SDK2: variants seen among roughly 807,000 people sequenced by gnomAD.
SDK2 encodes protein sidekick-2.
SDK2 carries 105 observed loss-of-function variants against 253.9 expected under a neutral mutation model. The observed-to-expected ratio is 0.41, with a 90% confidence interval of 0.35 to 0.49. The LOEUF (loss-of-function observed/expected upper bound fraction) is 0.49, where lower values mean the gene tolerates loss of function less well. Among genes scored for constraint, SDK2 ranks in the 20% least tolerant of loss-of-function variants. SDK2 has a pLI of 0.06. For synonymous variants in SDK2, 1,249 were observed against 1,234.9 expected, an observed-to-expected ratio of 1.01 and a Z score of -0.24; for missense variants, 2,608 against 3,003.0, an observed-to-expected ratio of 0.87 and a Z score of 3.07.
chr17:73,507,552 A>T lies in SDK2; in HGVS notation c.110T>A (p.Val37Glu), dbSNP rs1484048173. 1.9e-6 allele frequency: 3 copies of T among 1,551,650 alleles called. No individual in the cohort carries two copies. Among genetic ancestry groups the T allele is most frequent in the Non-Finnish European group, 2.6e-6 (3 of 1,146,966 alleles). Residue 37 changes from valine to glutamate, a missense_variant, in exon 2 of 45, where the codon GTG becomes GAG. Around this residue, in one of 2 missense-constraint regions of SDK2, gnomAD observed 1,505 missense variants for 1,859.1 expected, o/e 0.81. Coordinates refer to ENST00000392650, the MANE Select transcript of SDK2 (RefSeq NM_001144952.2). ...YFKTEPVRTQ[V>E]HLEGNRLVLT... is the part of the protein sequence containing the mutation. Reference sequence around the variant, plus strand: ...CACCAGGCGGTTTCCTTCCAAGTGCACCTGTGTCCGCACAGGCTCTGTCTT... The same window carrying T: ...CACCAGGCGGTTTCCTTCCAAGTGCTCCTGTGTCCGCACAGGCTCTGTCTT...
intron 10 of SDK2, among the ~76,000 whole-genome samples, chr17:73,432,764 G>T (rs1599560928): frequency 7.1e-6 from 1 of 140,530 alleles, no homozygotes; most frequent in Non-Finnish European, 1.6e-5. Flanking sequence ...AACTGTGTTT[G>T]TACGTGTGTG....
intron 1 of SDK2, among the ~76,000 whole-genome samples, chr17:73,582,580 G>A (rs942755631): frequency 6.6e-6 from 1 of 152,172 alleles, no homozygotes; most frequent in Non-Finnish European, 1.5e-5. Flanking sequence ...GATAGCCGAG[G>A]GGCCAGGCTC....
In SDK2 at chr17:73,401,703, C is replaced by T. The variant is rs777452561; in HGVS notation, c.2730G>A (p.Ser910=). 3 of 1,595,136 alleles carry T rather than the reference C, an allele frequency of 1.9e-6. No homozygotes were observed. Among genetic ancestry groups the T allele is most frequent in the Non-Finnish European group, 2.6e-6 (3 of 1,170,240 alleles). The change falls in exon 20 of 45, where the codon TCG becomes TCA. Residue 910 remains serine (S), a synonymous_variant. Transcript: ENST00000392650. The part of the protein sequence containing the change: ...HLSFSEILDT[S]LKVSWQEPGE... ...CCGGCTCTTGCCAGCTGACCTTCAGCGATGTGTCCAGGATCTCACTGAAGC... is the reference window on the plus strand; with the variant it reads ...CCGGCTCTTGCCAGCTGACCTTCAGTGATGTGTCCAGGATCTCACTGAAGC...
Position 73,456,194 on chromosome 17 carries a change from C to T in SDK2, c.332-141G>A, listed in dbSNP as rs75873674. On this transcript the variant is annotated intron_variant, in intron 3 of 44. Coordinates refer to ENST00000392650, the MANE Select transcript of SDK2 (RefSeq NM_001144952.2). Reference sequence around the variant, plus strand: ...CCACAGGGAAGGAGGACACCTTGCTCGGGCCACCCCATTCTCTGCCTCACC... The same window carrying T: ...CCACAGGGAAGGAGGACACCTTGCTTGGGCCACCCCATTCTCTGCCTCACC... 3.9e-3 allele frequency: 3,399 copies of T among 871,304 alleles called. 88 individuals carry two copies. The African/African-American group carries it at 0.052, about 13-fold the overall frequency. The allele number at this position is 871,304 out of a possible 1,614,324, so 54.0% of individuals were successfully genotyped here. A position where few individuals can be genotyped will look rare whatever the true frequency, so the allele number is the denominator to read the frequency against.
chr17:73,543,339 G>T (rs1943422411), intron 1 of SDK2, among the ~76,000 whole-genome samples: 1 of 152,106 alleles, frequency 6.6e-6, no homozygotes, highest in South Asian at 2.1e-4. Context: ...TCCTTCCGAT[G>T]TCCTCAAAGA....
intron 1 of SDK2, among the ~76,000 whole-genome samples, chr17:73,627,813 C>A (rs1567881359): frequency 6.6e-6 from 1 of 152,120 alleles, no homozygotes; most frequent in Non-Finnish European, 1.5e-5. Context: ...CTTTGGGAGG[C>A]CGAGATTGGG....
chr17:73,604,202 C>T (rs568917523), intron 1 of SDK2, among the ~76,000 whole-genome samples: 136 of 152,336 alleles, frequency 8.9e-4, no homozygotes, highest in African/African-American at 2.8e-3. Flanking sequence ...CTCTCTTGAG[C>T]GAACAGAGCC....
chr17:73,501,260 A>ACACACAC (rs58868274), intron 2 of SDK2, among the ~76,000 whole-genome samples: 4 of 151,918 alleles, frequency 2.6e-5, no homozygotes, highest in African/African-American at 9.7e-5. Context: ...ACACACACAC[A>ACACACAC]TATTTTAGCA....
Position 73,334,511 on chromosome 17 carries a change from A to G in SDK2, c.*4076T>C, listed in dbSNP as rs1421818533. ...AAAAATAAACCTGCTAACACGCTAT[A>G]TGACATAGAGATATATATTTTTTTC... is the stretch of plus-strand genomic sequence containing the variant. On this transcript the variant is annotated 3_prime_UTR_variant, in exon 45 of 45. Coordinates refer to ENST00000392650, the MANE Select transcript of SDK2 (RefSeq NM_001144952.2). 1.3e-5 allele frequency: 2 copies of G among 152,226 alleles called. No individual in the cohort carries two copies. Among genetic ancestry groups the G allele is most frequent in the Admixed American group, 6.5e-5 (1 of 15,286 alleles). The allele number at this position is 152,226 out of a possible 1,614,324, so 9.4% of individuals were successfully genotyped here.
intron 1 of SDK2, chr17:73,516,548 C>T (rs1294783703): frequency 2.6e-5 from 4 of 152,458 alleles, no homozygotes; most frequent in Non-Finnish European, 4.4e-5. Flanking sequence ...ATTCCCTCCT[C>T]CTCCCTTCTC....
At chr17:73,489,092 GACA>G (rs1375298854) in intron 2 of SDK2, among the ~76,000 whole-genome samples, 11 of 152,272 alleles carry the variant, frequency 7.2e-5, no homozygotes, top group Non-Finnish European at 1.6e-4. Context: ...CAGTAATAAT[GACA>G]ACAACAAAAG....
intron 39 of SDK2, among the ~76,000 whole-genome samples, chr17:73,358,724 C>T (rs766234376): frequency 7.9e-5 from 12 of 152,040 alleles, no homozygotes; most frequent in South Asian, 6.2e-4. Flanking sequence ...ATATGATGTC[C>T]GCCCTCCCTC....
intron 37 of SDK2, 47 bp downstream of exon 37, chr17:73,368,360 C>T (rs959642780): frequency 1.4e-6 from 2 of 1,388,408 alleles, no homozygotes; most frequent in East Asian, 2.8e-5. Context: ...TCTTGCAACC[C>T]CCCGTGGCCG....
chr17:73,476,960 C>T (rs1599603024), intron 2 of SDK2, among the ~76,000 whole-genome samples: 1 of 152,206 alleles, frequency 6.6e-6, no homozygotes, highest in East Asian at 1.9e-4. Flanking sequence ...TTTGGGCTGT[C>T]TCTTTGGTGC....
At chr17:73,493,966 G>A (rs1226587606) in intron 2 of SDK2, among the ~76,000 whole-genome samples, 1 of 152,184 alleles carries the variant, frequency 6.6e-6, no homozygotes, top group East Asian at 1.9e-4. Flanking sequence ...CAAGGACACC[G>A]AGGGAACTCT....
chr17:73,542,525 C>T (rs936332063), intron 1 of SDK2, among the ~76,000 whole-genome samples: 1 of 152,192 alleles, frequency 6.6e-6, no homozygotes, highest in East Asian at 1.9e-4. Context: ...AATGAGCAGC[C>T]GGGCCTGGTA....
At chr17:73,600,804 TTCCCTG>T (rs2045827690) in intron 1 of SDK2, among the ~76,000 whole-genome samples, 1 of 152,100 alleles carries the variant, frequency 6.6e-6, no homozygotes, top group Admixed American at 6.5e-5. Flanking sequence ...CGGATACCCT[TTCCCTG>T]TCCTTGGAGC....
At chr17:73,354,879 TTTG>T (rs1407310660) in intron 40 of SDK2, among the ~76,000 whole-genome samples, 5 of 151,924 alleles carry the variant, frequency 3.3e-5, no homozygotes, top group African/African-American at 7.3e-5. Context: ...GGCTGATGGT[TTTG>T]TTTTCCTCAC....
chr17:73,500,817 C>A (rs369805823), intron 2 of SDK2, among the ~76,000 whole-genome samples: 6 of 151,046 alleles, frequency 4.0e-5, no homozygotes, highest in African/African-American at 7.3e-5. Context: ...TCTTTCCATC[C>A]TCCCTCAGTT....
Sources: allele counts gnomAD v4.1 joint callset (sites outside exome capture counted in the v4.1 genomes callset), GRCh38; gene constraint gnomAD v4.1.1; regional missense constraint gnomAD v4.1.1; transcripts MANE v1.5; gene names NCBI Gene and HGNC (gene_info 2026-07-23, HGNC 2026-07-21).